LMO7: variants seen among roughly 807,000 people sequenced by gnomAD.
The protein encoded by LMO7 is LIM domain only protein 7.
LMO7 carries 120 observed loss-of-function variants against 206.5 expected under a neutral mutation model. The ratio of observed to expected loss-of-function variants is 0.58; its 90% CI spans 0.50 to 0.68. The LOEUF (loss-of-function observed/expected upper bound fraction) is 0.68, where lower values mean the gene tolerates loss of function less well. Among genes scored for constraint, LMO7 ranks in the 30% least tolerant of loss-of-function variants. LMO7 has a pLI of 0.00. For synonymous variants in LMO7, 706 were observed against 681.5 expected (o/e 1.04, Z -0.56); for missense variants, 1,959 against 1,957.9 (o/e 1.00, Z -0.01).
At chr13:75,636,300 A>G, upstream of LMO7, 1 of 1,074,254 alleles carries the variant, frequency 9.3e-7, no homozygotes, top group Non-Finnish European at 1.1e-6. Context: ...CGCGGGGAGG[A>G]CGGCGGCGGC....
chr13:75,636,500 A>G lies in LMO7; in HGVS notation c.-158A>G. 2 of 1,485,838 alleles carry G rather than the reference A, an allele frequency of 1.3e-6. No homozygotes were observed. Among genetic ancestry groups the G allele is most frequent in the Non-Finnish European group, 8.9e-7 (1 of 1,128,140 alleles). 92.0% of individuals were successfully genotyped at this position (1,485,838 alleles called of 1,614,324 possible). The stretch of plus-strand genomic sequence containing the variant: ...GAGACCTTAACGAACTGCAGAGCGC[A>G]ACAAAGGGAACTAGAGCCCCGGCGC... On this transcript the variant is annotated 5_prime_UTR_variant, in exon 1 of 31. Coordinates refer to ENST00000377534, the MANE Select transcript of LMO7 (RefSeq NM_001306080.2).
At chr13:75,756,607 C>T (rs561417759) in intron 3 of LMO7, among the ~76,000 whole-genome samples, 2 of 152,172 alleles carry the variant, frequency 1.3e-5, no homozygotes, top group Non-Finnish European at 2.9e-5. Context: ...GGACCAGTGA[C>T]TCCTGTGTTG....
intron 18 of LMO7, among the ~76,000 whole-genome samples, 176 bp from the exon 19 acceptor site, chr13:75,836,221 A>G (rs889294432): frequency 6.6e-6 from 1 of 152,232 alleles, no homozygotes; most frequent in African/African-American, 2.4e-5. Flanking sequence ...TGCCACAAAT[A>G]TTGAAGTATA....
intron 1 of LMO7, among the ~76,000 whole-genome samples, chr13:75,639,213 A>G (rs2036269766): frequency 6.6e-6 from 1 of 152,062 alleles, no homozygotes; most frequent in African/African-American, 2.4e-5. Context: ...TTTAGAGTGG[A>G]GGAGGAAGAG....
chr13:75,691,060 G>T (rs1374005779), intron 1 of LMO7, among the ~76,000 whole-genome samples: 1 of 152,132 alleles, frequency 6.6e-6, no homozygotes, highest in Non-Finnish European at 1.5e-5. Context: ...TATTTTACAT[G>T]CAGTTAAAAC....
intron 1 of LMO7, among the ~76,000 whole-genome samples, chr13:75,659,094 G>A (rs1407547146): frequency 6.6e-6 from 1 of 152,026 alleles, no homozygotes; most frequent in Non-Finnish European, 1.5e-5. Context: ...TTAGCATTAT[G>A]TGGTATCTTT....
At chr13:75,790,965 A>T (rs2053200088) in intron 4 of LMO7, among the ~76,000 whole-genome samples, 1 of 150,224 alleles carries the variant, frequency 6.7e-6, no homozygotes, top group South Asian at 2.1e-4. Context: ...TGCAACTATT[A>T]ATATTTCATA....
At position 75,622,762 on chromosome 13, in the gene LMO7, T is replaced by C. The variant is rs1191894920; in HGVS notation, c.176-509T>C. Among the ~76,000 whole-genome samples the C allele has an allele frequency of 2.0e-5, 3 of 152,222 alleles. No homozygotes were observed. The East Asian group carries it at 5.8e-4, about 29-fold the overall frequency. The stretch of plus-strand genomic sequence containing the variant: ...TATGCATAAGAAGATTTTATTGTGT[T>C]TTATTGCGTTGGCTGAATATATCAG... On this transcript the variant is annotated intron_variant, in intron 1 of 29. Transcript: ENST00000341547.
chr13:75,821,717 T>C (rs2057589075), intron 14 of LMO7, 108 bp downstream of exon 14: 5 of 670,784 alleles, frequency 7.5e-6, no homozygotes, highest in East Asian at 2.7e-5. Context: ...GTACATAACA[T>C]ATATAAGGAC....
chr13:75,663,295 T>C (rs922882868), intron 1 of LMO7, among the ~76,000 whole-genome samples: 3 of 151,892 alleles, frequency 2.0e-5, no homozygotes, highest in African/African-American at 7.2e-5. Context: ...TCCTGTGATA[T>C]TTTTTCTCTG....
At position 75,857,918 on chromosome 13, in the gene LMO7, C is replaced by A; in HGVS notation, c.4874-3C>A. 1 of 1,594,624 alleles carries A rather than the reference C, an allele frequency of 6.3e-7. No homozygotes were observed. Among genetic ancestry groups the A allele is most frequent in the Non-Finnish European group, 8.5e-7 (1 of 1,172,530 alleles). On this transcript the variant is annotated splice_polypyrimidine_tract_variant and splice_region_variant and intron_variant, in intron 30 of 30. Coordinates refer to ENST00000377534, the MANE Select transcript of LMO7 (RefSeq NM_001306080.2). The stretch of plus-strand genomic sequence containing the variant: ...TTTCTTTCTTTTCTCCTTGCCCGAT[C>A]AGCTGGACGGCCAACCGCCATGTGA...
chr13:75,836,315 A>C (rs1026277322), intron 18 of LMO7, 82 bp from the exon 19 acceptor site: 2 of 712,168 alleles, frequency 2.8e-6, no homozygotes. Flanking sequence ...GTTAAAATAT[A>C]TATTTCACTA....
At chr13:75,802,250 C>T (rs1304605029) in intron 7 of LMO7, among the ~76,000 whole-genome samples, 1 of 152,178 alleles carries the variant, frequency 6.6e-6, no homozygotes, top group African/African-American at 2.4e-5. Flanking sequence ...ATGTGAAACG[C>T]TATTTCAGCA....
chr13:75,835,980 T>C (rs1296974788), intron 18 of LMO7, among the ~76,000 whole-genome samples: 1 of 152,190 alleles, frequency 6.6e-6, no homozygotes, highest in African/African-American at 2.4e-5. Context: ...GCACTTATAC[T>C]CACTCCTTAG....
intron 4 of LMO7, among the ~76,000 whole-genome samples, chr13:75,766,728 C>T (rs1331920735): frequency 2.0e-5 from 3 of 152,052 alleles, no homozygotes; most frequent in Admixed American, 6.6e-5. Flanking sequence ...CTTTTTATTT[C>T]CTCTACGTCT....
chr13:75,688,334 A>G (rs992616488), intron 1 of LMO7, among the ~76,000 whole-genome samples: 7 of 152,330 alleles, frequency 4.6e-5, no homozygotes, highest in African/African-American at 1.7e-4. Flanking sequence ...CCCCATATGT[A>G]TGCTTAGAAT....
At chr13:75,732,412 C>A (rs1192211720) in intron 3 of LMO7, among the ~76,000 whole-genome samples, 1 of 152,130 alleles carries the variant, frequency 6.6e-6, no homozygotes, top group African/African-American at 2.4e-5. Context: ...TCCAGTTGAT[C>A]GCATCAGCTC....
intron 2 of LMO7, among the ~76,000 whole-genome samples, chr13:75,630,245 T>C (rs953363078): frequency 3.3e-5 from 5 of 152,230 alleles, no homozygotes; most frequent in Admixed American, 2.6e-4. Context: ...TCTGCAGATA[T>C]AGAACCTGTA....
rs762687056 is a variant in LMO7 at position 75,845,318 on chromosome 13, G to A, written c.4098-9G>A. ...AGACATATTTAATATATTGTGTTCT[G>A]TGTTTTAGGAATAAATCCAGATCTA... On this transcript the variant is annotated splice_polypyrimidine_tract_variant and intron_variant, in intron 25 of 30. Coordinates refer to ENST00000377534, the MANE Select transcript of LMO7 (RefSeq NM_001306080.2). The A allele has an allele frequency of 6.9e-7, 1 of 1,445,288 alleles. No individual in the cohort carries two copies. The highest frequency in any genetic ancestry group is 9.7e-7 in the Non-Finnish European group (1 of 1,033,334). 89.5% of individuals were successfully genotyped at this position (1,445,288 alleles called of 1,614,324 possible).
Sources: allele counts gnomAD v4.1 joint callset (sites outside exome capture counted in the v4.1 genomes callset), GRCh38; gene constraint gnomAD v4.1.1; transcripts MANE v1.5; gene names NCBI Gene and HGNC (gene_info 2026-07-23, HGNC 2026-07-21).